The following SART3 variants were observed in gnomAD, a reference collection of about 807,000 sequenced individuals.
SART3 encodes the protein HIV-1 Tat-interacting protein of 110kDa.
In SART3, 44 loss-of-function variants were observed where a neutral mutation model predicts 122.3. That is an observed-to-expected ratio of 0.36 (90% CI 0.28 to 0.46). SART3 has a LOEUF of 0.46. Among genes scored for constraint, SART3 ranks in the 20% least tolerant of loss-of-function variants. The pLI is 1.00. For missense variants in SART3, 1,101 were observed against 1,229.0 expected, an observed-to-expected ratio of 0.90 and a Z score of 1.56; for synonymous variants, 442 against 454.0, an observed-to-expected ratio of 0.97 and a Z score of 0.34.
chr12:108,534,318 T>C (rs1444085880), intron 12 of SART3, among the ~76,000 whole-genome samples: 1 of 152,060 alleles, frequency 6.6e-6, no homozygotes, highest in Non-Finnish European at 1.5e-5. Context: ...CCAAAAAAAT[T>C]GTGAACTGCA....
intron 15 of SART3, among the ~76,000 whole-genome samples, chr12:108,528,743 G>A (rs1043998015): frequency 5.9e-5 from 9 of 152,196 alleles, no homozygotes; most frequent in Non-Finnish European, 1.2e-4. Context: ...GCAGGCACAG[G>A]AAGTTGATTA....
chr12:108,539,287 A>C (rs1190890456), intron 6 of SART3, among the ~76,000 whole-genome samples, 198 bp from the exon 7 acceptor site: 2 of 152,184 alleles, frequency 1.3e-5, no homozygotes, highest in Non-Finnish European at 2.9e-5. Context: ...GTGCCAGTTC[A>C]TGGCAGTCGC....
Position 108,532,243 on chromosome 12 carries a change from G to C in SART3, c.1648C>G (p.Leu550Val), listed in dbSNP as rs1457053261. The C allele has an allele frequency of 6.2e-7, 1 of 1,614,122 alleles. No homozygotes were observed. Among genetic ancestry groups the C allele is most frequent in the Non-Finnish European group, 8.5e-7 (1 of 1,179,996 alleles). Reference protein sequence around the residue: ...DYPEHVCEVLLTMERTEGSLE... With the variant: ...DYPEHVCEVLVTMERTEGSLE... The stretch of plus-strand genomic sequence containing the variant: ...CCACCTTCTGTCCTCTCCATGGTGA[G>C]TAACACTTCGCAGACGTGCTCTGGG... Residue 550 changes from leucine to valine, a missense_variant, in exon 13 of 19, where the codon CTC (leucine) becomes GTC (valine). Physicochemically the swap from Leu to Val is conservative, Grantham distance 32. Around this residue, in one of 2 missense-constraint regions of SART3, gnomAD observed 885 missense variants for 1,080.1 expected, o/e 0.82. Coordinates refer to ENST00000546815, the MANE Select transcript of SART3 (RefSeq NM_014706.4).
chr12:108,551,076 A>T (rs181225668), intron 1 of SART3, among the ~76,000 whole-genome samples: 111 of 152,362 alleles, frequency 7.3e-4, no homozygotes, highest in African/African-American at 2.6e-3. Flanking sequence ...ACCCAACTAT[A>T]TGGTGAGTAC....
intron 15 of SART3, among the ~76,000 whole-genome samples, chr12:108,528,482 C>CAA (rs398039961): frequency 0.017 from 1,719 of 98,376 alleles, 35 homozygotes; most frequent in Non-Finnish European, 0.023. Context: ...GACTCCCTCT[C>CAA]AAAAAAAAAA....
chr12:108,537,714 A>G, intron 8 of SART3, 119 bp from the exon 9 acceptor site: 1 of 793,622 alleles, frequency 1.3e-6, no homozygotes, highest in Middle Eastern at 2.5e-4. Flanking sequence ...ATGCAACAGA[A>G]TGAAATGAGC....
rs114776675 is a variant in SART3 at position 108,537,570 on chromosome 12, G to A, written c.1227C>T (p.Ala409=). Residue 409 remains alanine, a synonymous_variant, in exon 9 of 19, where the codon GCC becomes GCT. Transcript: ENST00000546815. ...CATAATCAGTGGCCTGGATGAAGCC[G>A]GCATTCAAAGCTTTCTCGAAGGTTA... The part of the protein sequence containing the change: ...ISVTFEKALN[A]GFIQATDYVE... The A allele has an allele frequency of 2.4e-5, 38 of 1,613,982 alleles. No individual in the cohort carries two copies. The highest frequency in any genetic ancestry group is 1.3e-4 in the South Asian group (12 of 91,070).
chr12:108,548,054 C>T, intron 2 of SART3, 63 bp from the exon 3 acceptor site: 2 of 1,344,100 alleles, frequency 1.5e-6, no homozygotes, highest in Non-Finnish European at 2.1e-6. Flanking sequence ...GGGACTTTAC[C>T]AAGAGACATC....
chr12:108,554,382 T>C lies in SART3; in HGVS notation c.313-5168A>G, dbSNP rs530894682. ...AAATAAAATATTAAAAAATCAGAAA[T>C]GTATAAAGAGAACAATACATAATGA... On this transcript the variant is annotated intron_variant, in intron 1 of 18. Coordinates refer to ENST00000546815, the MANE Select transcript of SART3 (RefSeq NM_014706.4). 2.5e-3 allele frequency among the ~76,000 whole-genome samples: 377 copies of C among 152,174 alleles called. 1 individual carries two copies. Among genetic ancestry groups the C allele is most frequent in the Admixed American group, 2.5e-3 (39 of 15,296 alleles).
intron 14 of SART3, among the ~76,000 whole-genome samples, chr12:108,530,622 C>T (rs375351851): frequency 1.3e-5 from 2 of 152,032 alleles, no homozygotes; most frequent in Non-Finnish European, 2.9e-5. Flanking sequence ...TTTGGGAGGC[C>T]GAGATGGGTG....
intron 17 of SART3, 98 bp downstream of exon 17, chr12:108,525,359 T>C: frequency 3.1e-6 from 4 of 1,307,470 alleles, no homozygotes; most frequent in East Asian, 2.3e-5. Flanking sequence ...GCAGACAAAC[T>C]AGGAACCCAT....
chr12:108,548,028 G>GCTTT (rs758936464), intron 2 of SART3, 37 bp from the exon 3 acceptor site: 1 of 1,563,184 alleles, frequency 6.4e-7, no homozygotes, highest in African/African-American at 1.4e-5. Flanking sequence ...TAATACCAAA[G>GCTTT]GGTAGGCTAA....
chr12:108,529,805 GT>G (rs1872567038), intron 15 of SART3, among the ~76,000 whole-genome samples: 3 of 146,416 alleles, frequency 2.0e-5, no homozygotes, highest in Admixed American at 7.4e-5. Context: ...GGTCATCAGA[GT>G]AAAAAAAAAA....
chr12:108,531,220 T>C lies in SART3; in HGVS notation c.1730A>G (p.Asn577Ser), dbSNP rs200855655. The change falls in exon 14 of 19, where the codon AAT becomes AGT. Residue 577 changes from asparagine (N) to serine (S), a missense_variant. Asn to Ser is a conservative substitution (Grantham distance 46, BLOSUM62 1). Coordinates refer to ENST00000546815, the MANE Select transcript of SART3 (RefSeq NM_014706.4). ...TGTCATTACCTTCATTCTCTGCTCA[T>C]TGACACGAGCTAATCGGGTTTCAGT... is the stretch of plus-strand genomic sequence containing the variant. ...QKTETRLARV[N>S]EQRMKAAEKE... 129 of 1,613,966 alleles carry C rather than the reference T, an allele frequency of 8.0e-5. No individual in the cohort carries two copies. The highest frequency in any genetic ancestry group is 9.5e-5 in the Non-Finnish European group (112 of 1,179,970).
In SART3 at chr12:108,558,162, C is replaced by CA. The variant is rs879755406; in HGVS notation, c.312+2680dup. On this transcript the variant is annotated intron_variant, in intron 1 of 18. Transcript: ENST00000546815. The stretch of plus-strand genomic sequence containing the variant: ...AGCATGGGCAAGAGTGAGATGCTCT[C>CA]AAAAAAAAAAATTAATAAACACTGA... Among the ~76,000 whole-genome samples, 89 of 145,786 alleles carry CA rather than the reference C, an allele frequency of 6.1e-4. 1 individual carries two copies. Among genetic ancestry groups the CA allele is most frequent in the Middle Eastern group, 6.9e-3 (2 of 290 alleles).
At chr12:108,548,251 T>G (rs1188631509) in intron 2 of SART3, among the ~76,000 whole-genome samples, 1 of 152,254 alleles carries the variant, frequency 6.6e-6, no homozygotes, top group African/African-American at 2.4e-5. Context: ...TCAGTCTTTA[T>G]CACAATCCTG....
chr12:108,542,122 T>C (rs1206117779), intron 6 of SART3, among the ~76,000 whole-genome samples: 2 of 150,130 alleles, frequency 1.3e-5, no homozygotes, highest in East Asian at 4.0e-4. Flanking sequence ...GCTGGGATTA[T>C]AGGCATAAGC....
intron 18 of SART3, chr12:108,524,090 G>T: frequency 1.7e-6 from 1 of 596,202 alleles, no homozygotes; most frequent in Non-Finnish European, 3.0e-6. Context: ...TGAAATAAAT[G>T]ACAAGTGTAA....
chr12:108,523,491 T>C lies in SART3; in HGVS notation c.2858A>G (p.Asn953Ser), dbSNP rs1161884867. ...PAATEAPKMSNADFAKLFLRK is the reference protein window; with the variant it reads ...PAATEAPKMSSADFAKLFLRK Reference sequence around the variant, plus strand: ...CAGAAACAGCTTGGCAAAATCGGCATTGGACATCTTGGGTGCCTCGGTGGC... The same window carrying C: ...CAGAAACAGCTTGGCAAAATCGGCACTGGACATCTTGGGTGCCTCGGTGGC... Residue 953 changes from asparagine to serine, a missense_variant, in exon 19 of 19, where the codon AAT becomes AGT. This residue lies in a region of SART3 where 885 missense variants were observed against 1,080.1 expected (regional missense o/e 0.82). Coordinates refer to ENST00000546815, the MANE Select transcript of SART3 (RefSeq NM_014706.4). 5 of 1,612,844 alleles carry C rather than the reference T, an allele frequency of 3.1e-6. No homozygotes were observed. The East Asian group carries it at 8.9e-5, about 29-fold the overall frequency.
Sources: gnomAD v4.1 joint callset for allele counts (sites outside exome capture counted in the v4.1 genomes callset) on GRCh38, gnomAD v4.1.1 for gene constraint, gnomAD v4.1.1 regional missense constraint, MANE v1.5 for transcripts, NCBI Gene and HGNC (gene_info 2026-07-23, HGNC 2026-07-21) for gene names.